The following NTRK2 variants were observed in gnomAD, a reference collection of about 807,000 sequenced individuals.
The protein encoded by NTRK2 is BDNF/NT-3 growth factors receptor.
Under a neutral mutation model 94.5 loss-of-function variants are expected in NTRK2, and 13 were observed. The ratio of observed to expected loss-of-function variants is 0.14; its 90% confidence interval spans 0.09 to 0.22. The LOEUF is 0.22. NTRK2 is among the 10% of genes least tolerant of loss of function. NTRK2 has a pLI of 1.00. For synonymous variants in NTRK2, 372 were observed against 407.4 expected (o/e 0.91, Z 1.05); for missense variants, 639 against 1,071.2 (o/e 0.60, Z 5.63).
chr9:84,872,801 C>T, intron 14 of NTRK2: 2 of 1,064,418 alleles, frequency 1.9e-6, no homozygotes, highest in Non-Finnish European at 2.3e-6. Context: ...GATTCATAGG[C>T]CAGCTAGGCC....
At chr9:84,672,318 G>A (rs760171585) in intron 2 of NTRK2, among the ~76,000 whole-genome samples, 9 of 152,170 alleles carry the variant, frequency 5.9e-5, no homozygotes, top group Non-Finnish European at 1.2e-4. Context: ...GCCAACTGTC[G>A]GGCTGAGTCC....
At chr9:84,863,466 T>C (rs58655006) in intron 13 of NTRK2, among the ~76,000 whole-genome samples, 130 of 152,358 alleles carry the variant, frequency 8.5e-4, no homozygotes, top group African/African-American at 3.0e-3. Flanking sequence ...CAAGTCCTCA[T>C]ATGAATTTCG....
At chr9:84,980,154 C>T (rs1482664771) in intron 17 of NTRK2, among the ~76,000 whole-genome samples, 1 of 152,040 alleles carries the variant, frequency 6.6e-6, no homozygotes, top group African/African-American at 2.4e-5. Flanking sequence ...TGTGTGTGTG[C>T]CTAGTCTTTT....
intron 17 of NTRK2, among the ~76,000 whole-genome samples, chr9:85,005,505 T>C (rs7030960): frequency 0.73 from 111,119 of 152,072 alleles, 41,246 homozygotes; most frequent in African/African-American, 0.82. Context: ...TGCCTTAAAA[T>C]ATTGCCTGGA....
At chr9:84,811,904 T>TCCCCCCCC in intron 12 of NTRK2, 4 of 1,053,868 alleles carry the variant, frequency 3.8e-6, no homozygotes, top group African/African-American at 1.7e-5. Flanking sequence ...GGTTTGGCTA[T>TCCCCCCCC]CCCCACCCCA....
chr9:84,913,001 C>T (rs1180200525), intron 14 of NTRK2, among the ~76,000 whole-genome samples: 2 of 152,126 alleles, frequency 1.3e-5, no homozygotes, highest in African/African-American at 4.8e-5. Flanking sequence ...TTATCAATTT[C>T]TATCTTTTAA....
chr9:84,997,083 A>G (rs867989637), intron 17 of NTRK2, among the ~76,000 whole-genome samples: 1 of 152,194 alleles, frequency 6.6e-6, no homozygotes, highest in African/African-American at 2.4e-5. Flanking sequence ...CAAAGCATGC[A>G]TACCTTTTAC....
intron 14 of NTRK2, among the ~76,000 whole-genome samples, chr9:84,880,012 C>T (rs924975813): frequency 3.3e-5 from 5 of 152,108 alleles, no homozygotes; most frequent in African/African-American, 7.2e-5. Context: ...AATATAAAGC[C>T]GTTATTTTTA....
At chr9:84,731,288 T>G (rs1588221118) in intron 9 of NTRK2, among the ~76,000 whole-genome samples, 1 of 152,050 alleles carries the variant, frequency 6.6e-6, no homozygotes, top group South Asian at 2.1e-4. Flanking sequence ...AATACAAGAA[T>G]TAGCTGGATG....
At chr9:84,813,393 T>C (rs1225486381) in intron 12 of NTRK2, 1 of 1,060,932 alleles carries the variant, frequency 9.4e-7, no homozygotes, top group African/African-American at 1.6e-5. Context: ...TAAAACATTT[T>C]GTAAGCCAAC....
At chr9:84,739,089 T>C (rs2063454669) in intron 9 of NTRK2, among the ~76,000 whole-genome samples, 1 of 152,188 alleles carries the variant, frequency 6.6e-6, no homozygotes, top group African/African-American at 2.4e-5. Context: ...CTCACTTTGT[T>C]GCCCAGGCTG....
intron 17 of NTRK2, among the ~76,000 whole-genome samples, chr9:84,966,895 T>A (rs567102011): frequency 1.1e-4 from 17 of 152,328 alleles, no homozygotes; most frequent in African/African-American, 4.1e-4. Context: ...CTCTCAACCA[T>A]GACCCTTGAC....
At chr9:84,949,445 GATTT>G (rs71959281) in intron 16 of NTRK2, among the ~76,000 whole-genome samples, 10,329 of 147,802 alleles carry the variant, frequency 0.07, 451 homozygotes, top group Admixed American at 0.11. Flanking sequence ...GATTGGTTGG[GATTT>G]ATTTATTTAT....
rs115837696 is a variant in NTRK2, at chr9:84,737,790, C to T, written c.1160-4102C>T. Among the ~76,000 whole-genome samples the T allele has an allele frequency of 4.5e-3, 664 of 148,508 alleles. 28 individuals are homozygous for T. The highest frequency in any genetic ancestry group is 0.016 in the African/African-American group (621 of 37,960). ...ATAGGCAGTTTTTCAGCCTTCCCCC[C>T]CATCCGTCTCTCTCCATCTTCAGTA... On this transcript the variant is annotated intron_variant, in intron 9 of 18. Transcript: ENST00000277120.
At chr9:84,762,302 G>A (rs2065648352) in intron 12 of NTRK2, among the ~76,000 whole-genome samples, 1 of 152,236 alleles carries the variant, frequency 6.6e-6, no homozygotes, top group Non-Finnish European at 1.5e-5. Flanking sequence ...TCCTGGAATG[G>A]TGTGGATGTC....
At chr9:84,779,840 T>G (rs1047800495) in intron 12 of NTRK2, among the ~76,000 whole-genome samples, 1 of 152,208 alleles carries the variant, frequency 6.6e-6, no homozygotes, top group Non-Finnish European at 1.5e-5. Context: ...ATGCTGGACT[T>G]TCTCTCTGGA....
At chr9:84,802,049 G>C (rs558239448) in intron 12 of NTRK2, among the ~76,000 whole-genome samples, 3 of 152,134 alleles carry the variant, frequency 2.0e-5, no homozygotes, top group African/African-American at 7.2e-5. Context: ...GAAGTAGATC[G>C]CCTTTTCCTT....
At chr9:84,776,652 G>A (rs1046856119) in intron 12 of NTRK2, among the ~76,000 whole-genome samples, 1 of 152,186 alleles carries the variant, frequency 6.6e-6, no homozygotes, top group Non-Finnish European at 1.5e-5. Flanking sequence ...CAGAGACAGA[G>A]GACTCTATTA....
chr9:84,733,958 A>G (rs1317265373), intron 9 of NTRK2, among the ~76,000 whole-genome samples: 1 of 152,262 alleles, frequency 6.6e-6, no homozygotes, highest in Non-Finnish European at 1.5e-5. Context: ...GAGCATAGTT[A>G]GCCTCCACTT....
Sources: allele counts gnomAD v4.1 joint callset (sites outside exome capture counted in the v4.1 genomes callset), GRCh38; gene constraint gnomAD v4.1.1; transcripts MANE v1.5; gene names NCBI Gene and HGNC (gene_info 2026-07-23, HGNC 2026-07-21).